PRUNE2: variants seen among roughly 807,000 people sequenced by gnomAD.
PRUNE2 encodes prune homolog 2 with BCH domain.
In PRUNE2, 164 loss-of-function variants were observed where a neutral mutation model predicts 252.0. That is an observed-to-expected ratio of 0.65 (90% CI 0.57 to 0.74). PRUNE2 has a LOEUF of 0.74. Ranked by LOEUF, PRUNE2 falls within the 30% of genes least tolerant of loss-of-function variation. The pLI is 0.00. For missense variants in PRUNE2, 3,495 were observed against 3,711.0 expected (o/e 0.94, Z 1.51); for synonymous variants, 1,292 against 1,350.2 (o/e 0.96, Z 0.94).
chr9:76,847,044 A>C (rs549593428), intron 3 of PRUNE2, among the ~76,000 whole-genome samples: 1 of 152,298 alleles, frequency 6.6e-6, no homozygotes, highest in African/African-American at 2.4e-5. Flanking sequence ...TGAATTCTAC[A>C]GGCTGGGCGC....
intron 10 of PRUNE2, among the ~76,000 whole-genome samples, chr9:76,652,924 C>G (rs531030853): frequency 6.6e-6 from 1 of 152,226 alleles, no homozygotes; most frequent in African/African-American, 2.4e-5. Flanking sequence ...CACTCTGGTC[C>G]AAGCATTTAA....
intron 4 of PRUNE2, among the ~76,000 whole-genome samples, chr9:76,837,566 G>C (rs924307407): frequency 2.0e-5 from 3 of 151,534 alleles, no homozygotes; most frequent in Admixed American, 6.6e-5. Flanking sequence ...CACTGCATGT[G>C]GAAAAGGATA....
intron 1 of PRUNE2, among the ~76,000 whole-genome samples, chr9:76,883,421 T>C (rs1325889891): frequency 6.6e-6 from 1 of 152,248 alleles, no homozygotes; most frequent in Non-Finnish European, 1.5e-5. Context: ...GGTAGAAATG[T>C]CTGCAGCTTT....
At chr9:76,831,330 C>T (rs2058666215) in intron 4 of PRUNE2, among the ~76,000 whole-genome samples, 1 of 151,770 alleles carries the variant, frequency 6.6e-6, no homozygotes. Flanking sequence ...ACAGTAAAGG[C>T]AGAAAAAAAT....
intron 6 of PRUNE2, among the ~76,000 whole-genome samples, chr9:76,821,827 T>C (rs1321573300): frequency 2.6e-5 from 4 of 152,180 alleles, no homozygotes; most frequent in African/African-American, 9.7e-5. Context: ...GCCATTTGCA[T>C]ACCCCTATAA....
At position 76,897,615 on chromosome 9, in the gene PRUNE2, C is replaced by A. The variant is rs190402269; in HGVS notation, c.36+8313G>T. Among the ~76,000 whole-genome samples, 4 of 151,696 alleles carry A rather than the reference C, an allele frequency of 2.6e-5. No homozygotes were observed. The South Asian group carries it at 8.4e-4, about 32-fold the overall frequency. The stretch of plus-strand genomic sequence containing the variant: ...ATTTTTAGTAGAGATGGGGTTTCAC[C>A]GTGTTGGCTGGACTGGTCTGGAACT... On this transcript the variant is annotated intron_variant, in intron 1 of 18. Transcript: ENST00000376718.
rs1339825823 is a variant in PRUNE2 at position 76,705,632 on chromosome 9, C to T, written c.6642G>A (p.Met2214Ile). 1 of 1,614,026 alleles carries T rather than the reference C, an allele frequency of 6.2e-7. No individual in the cohort carries two copies. Among genetic ancestry groups the T allele is most frequent in the Admixed American group, 1.7e-5 (1 of 60,030 alleles). Residue 2214 changes from methionine (M) to isoleucine (I), a missense_variant, in exon 8 of 19, where the codon ATG becomes ATA. Coordinates refer to ENST00000376718, the MANE Select transcript of PRUNE2 (RefSeq NM_015225.3). The part of the protein sequence containing the change: ...QVSEKGASPD[M>I]APILEPVDRR... ...TGTCAACTGGTTCCAAAATTGGTGC[C>T]ATATCTGGGCTGGCTCCTTTTTCTG...
At chr9:76,688,583 G>A (rs982348518) in intron 9 of PRUNE2, among the ~76,000 whole-genome samples, 4 of 152,104 alleles carry the variant, frequency 2.6e-5, no homozygotes, top group Admixed American at 1.3e-4. Flanking sequence ...CGTGTCTGCA[G>A]TTCTAAAACT....
At chr9:76,861,662 A>G (rs975364175) in intron 1 of PRUNE2, among the ~76,000 whole-genome samples, 5 of 152,184 alleles carry the variant, frequency 3.3e-5, no homozygotes, top group Admixed American at 3.3e-4. Flanking sequence ...TTTGCTGCCC[A>G]TCTTGAAAAC....
At chr9:76,624,742 T>C (rs990344988) in intron 16 of PRUNE2, among the ~76,000 whole-genome samples, 3 of 152,180 alleles carry the variant, frequency 2.0e-5, no homozygotes, top group African/African-American at 7.2e-5. Flanking sequence ...ATCAGAAACA[T>C]GCTGGCTGAA....
intron 1 of PRUNE2, among the ~76,000 whole-genome samples, chr9:76,896,863 A>G (rs1352887001): frequency 1.3e-5 from 2 of 152,216 alleles, no homozygotes; most frequent in African/African-American, 2.4e-5. Context: ...GGTGGCAAAT[A>G]AGAGGCATTT....
At chr9:76,755,204 T>C (rs1368443579) in intron 6 of PRUNE2, among the ~76,000 whole-genome samples, 4 of 152,182 alleles carry the variant, frequency 2.6e-5, no homozygotes, top group African/African-American at 9.7e-5. Context: ...GTGTTTGCTA[T>C]TCGTCTCCCC....
chr9:76,843,446 A>G (rs556947734), intron 4 of PRUNE2, among the ~76,000 whole-genome samples: 3 of 152,332 alleles, frequency 2.0e-5, no homozygotes, highest in East Asian at 3.9e-4. Flanking sequence ...TGTTCTGCAC[A>G]TGTATCCCAG....
chr9:76,789,339 G>A (rs1314930235), intron 6 of PRUNE2, among the ~76,000 whole-genome samples: 2 of 152,184 alleles, frequency 1.3e-5, no homozygotes, highest in Non-Finnish European at 2.9e-5. Context: ...AATGGGGCTT[G>A]AAGAGGTTTT....
At chr9:76,713,944 C>A (rs2046936915) in intron 6 of PRUNE2, among the ~76,000 whole-genome samples, 1 of 152,058 alleles carries the variant, frequency 6.6e-6, no homozygotes, top group African/African-American at 2.4e-5. Context: ...GGAGTTTTTG[C>A]CATTATTAAT....
In PRUNE2 at chr9:76,613,996, G is replaced by A. The variant is rs143077251; in HGVS notation, c.*574C>T. 1.9e-4 allele frequency: 29 copies of A among 152,302 alleles called. No individual in the cohort carries two copies. The highest frequency in any genetic ancestry group is 6.5e-4 in the African/African-American group (27 of 41,552). 9.4% of individuals were successfully genotyped at this position (152,302 alleles called of 1,614,324 possible). A position where few individuals can be genotyped will look rare whatever the true frequency, so the allele number is the denominator to read the frequency against. ...AAAGTTGACGTGGATTAGAAAGCCC[G>A]GCTTCCCTTTGAGAAGTTAAAGGAG... On this transcript the variant is annotated 3_prime_UTR_variant, in exon 19 of 19. Transcript: ENST00000376718.
chr9:76,751,417 G>A (rs1306276254), intron 6 of PRUNE2, among the ~76,000 whole-genome samples: 1 of 152,298 alleles, frequency 6.6e-6, no homozygotes, highest in East Asian at 1.9e-4. Context: ...TGCCAGCACA[G>A]ATATTATTAT....
chr9:76,804,407 G>A (rs1371243679), intron 6 of PRUNE2, among the ~76,000 whole-genome samples: 1 of 152,144 alleles, frequency 6.6e-6, no homozygotes, highest in Non-Finnish European at 1.5e-5. Flanking sequence ...CCCTCTAAGA[G>A]GGTGAGAGGT....
intron 6 of PRUNE2, among the ~76,000 whole-genome samples, chr9:76,775,293 T>C (rs1378290665): frequency 6.6e-6 from 1 of 150,432 alleles, no homozygotes; most frequent in Non-Finnish European, 1.5e-5. Context: ...GAGGACCATT[T>C]TGTACTTTGT....
Sources: allele counts gnomAD v4.1 joint callset (sites outside exome capture counted in the v4.1 genomes callset), GRCh38; gene constraint gnomAD v4.1.1; transcripts MANE v1.5; gene names NCBI Gene and HGNC (gene_info 2026-07-23, HGNC 2026-07-21).